The following DNAH6 variants were observed in gnomAD, a reference collection of about 807,000 sequenced individuals.
The protein encoded by DNAH6 is axonemal beta dynein heavy chain 6.
A neutral mutation model predicts 491.4 loss-of-function variants in DNAH6; 340 were observed. The ratio of observed to expected loss-of-function variants is 0.69; its 90% confidence interval spans 0.63 to 0.76. The LOEUF is 0.76. Ranked by LOEUF, DNAH6 falls within the 30% of genes least tolerant of loss-of-function variation. The pLI is 0.00. For synonymous variants in DNAH6, 1,603 were observed against 1,686.1 expected (o/e 0.95, Z 1.21); for missense variants, 4,443 against 4,972.2 (o/e 0.89, Z 3.20).
intron 30 of DNAH6, among the ~76,000 whole-genome samples, chr2:84,635,581 A>G (rs1220750484): frequency 2.0e-5 from 3 of 152,180 alleles, no homozygotes; most frequent in Non-Finnish European, 4.4e-5. Context: ...AAAGCAAAGT[A>G]TATGGAGTAA....
At chr2:84,668,810 C>CTGTGTGTGTGTGTG (rs766203821) in intron 37 of DNAH6, among the ~76,000 whole-genome samples, 59 of 121,080 alleles carry the variant, frequency 4.9e-4, no homozygotes, top group African/African-American at 1.3e-3. Context: ...AGCCATCCCT[C>CTGTGTGTGTGTGTG]TGTGTGTGTG....
chr2:84,692,472 GATAGATAGATAA>G (rs1322223302), intron 45 of DNAH6, among the ~76,000 whole-genome samples: 57 of 117,804 alleles, frequency 4.8e-4, no homozygotes, highest in African/African-American at 1.7e-3. Flanking sequence ...TAGATAGATA[GATAGATAGATAA>G]ATTTCCCAGA....
At chr2:84,697,771 T>C in intron 47 of DNAH6, 44 bp downstream of exon 47, 2 of 1,547,982 alleles carry the variant, frequency 1.3e-6, no homozygotes, top group Non-Finnish European at 1.7e-6. Flanking sequence ...CACAAAAACG[T>C]TTCTTCACCT....
At chr2:84,660,689 T>C (rs1691418532) in intron 37 of DNAH6, among the ~76,000 whole-genome samples, 1 of 152,160 alleles carries the variant, frequency 6.6e-6, no homozygotes, top group Non-Finnish European at 1.5e-5. Context: ...AAGGCAAACC[T>C]GTGCCTGCTT....
At chr2:84,476,577 C>A in the DNAH6 span, among the ~76,000 whole-genome samples, 1 of 152,164 alleles carries the variant, frequency 6.6e-6, no homozygotes, top group African/African-American at 2.4e-5. Flanking sequence ...ACTCATCCTC[C>A]TCTTCTTCAT....
chr2:84,752,482 T>C (rs560367686), intron 63 of DNAH6, among the ~76,000 whole-genome samples: 14 of 152,140 alleles, frequency 9.2e-5, no homozygotes, highest in Admixed American at 2.0e-4. Flanking sequence ...AATTTACTTA[T>C]TATACAATTC....
At chr2:84,709,312 T>C in intron 54 of DNAH6, 31 bp from the exon 55 acceptor site, 1 of 1,549,504 alleles carries the variant, frequency 6.5e-7, no homozygotes, top group Non-Finnish European at 8.7e-7. Context: ...TGTTCCTGAC[T>C]CTACTCAAGT....
Position 84,812,360 on chromosome 2 carries a change from A to G in DNAH6, c.11759A>G (p.Asn3920Ser), listed in dbSNP as rs556720391. Residue 3920 changes from asparagine (N) to serine (S), a missense_variant, in exon 73 of 77, where the codon AAC (asparagine) becomes AGC (serine). Coordinates refer to ENST00000389394, the MANE Select transcript of DNAH6 (RefSeq NM_001370.2). ...TTTCAGACTTCTCTGGAAACACTCA[A>G]CAAAGCCATCGCTGGATTTGTGGTG... The part of the protein sequence containing the change: ...KLIHTSLETL[N>S]KAIAGFVVMS... 3.2e-6 allele frequency: 5 copies of G among 1,551,986 alleles called. No homozygotes were observed. In the African/African-American group the frequency reaches 6.8e-5, roughly 21 times the overall value.
chr2:84,528,357 G>A (rs1427365909), intron 3 of DNAH6, among the ~76,000 whole-genome samples: 1 of 152,180 alleles, frequency 6.6e-6, no homozygotes, highest in Non-Finnish European at 1.5e-5. Context: ...CTAAAAAACA[G>A]CCGATATTAG....
chr2:84,589,538 C>T (rs553813456), intron 16 of DNAH6, among the ~76,000 whole-genome samples: 13 of 151,936 alleles, frequency 8.6e-5, no homozygotes, highest in Admixed American at 5.2e-4. Flanking sequence ...ATAGTGAAAC[C>T]ACATCTCCAC....
At chr2:84,510,960 C>A in the DNAH6 span, among the ~76,000 whole-genome samples, 1 of 152,140 alleles carries the variant, frequency 6.6e-6, no homozygotes, top group African/African-American at 2.4e-5. Flanking sequence ...AGTACCCGGC[C>A]GTGTGAGGTG....
Position 84,670,348 on chromosome 2 carries a change from G to T in DNAH6, c.6327G>T (p.Leu2109Phe). 6.5e-7 allele frequency: 1 copy of T among 1,533,178 alleles called. No individual in the cohort carries two copies. The highest frequency in any genetic ancestry group is 2.5e-5 in the East Asian group (1 of 40,708). 95.0% of individuals were successfully genotyped at this position (1,533,178 alleles called of 1,614,324 possible). A position where few individuals can be genotyped will look rare whatever the true frequency, so the allele number is the denominator to read the frequency against. The change falls in exon 39 of 77, where the codon TTG (leucine) becomes TTT (phenylalanine). Residue 2109 changes from leucine (L) to phenylalanine (F), a missense_variant. Coordinates refer to ENST00000389394, the MANE Select transcript of DNAH6 (RefSeq NM_001370.2). ...GVGKSVIAKG[L>F]LNKIQESAGY... Reference sequence around the variant, plus strand: ...TTAAGTCTGTGATTGCAAAAGGATTGCTAAATAAAATTCAAGAATCAGCTG... The same window carrying T: ...TTAAGTCTGTGATTGCAAAAGGATTTCTAAATAAAATTCAAGAATCAGCTG...
At chr2:84,505,805 G>A in the DNAH6 span, among the ~76,000 whole-genome samples, 5 of 152,004 alleles carry the variant, frequency 3.3e-5, no homozygotes, top group African/African-American at 9.7e-5. Flanking sequence ...TAGAACATGC[G>A]GTGTTTGTTT....
At chr2:84,582,512 C>T (rs183142717) in intron 14 of DNAH6, among the ~76,000 whole-genome samples, 1,768 of 152,268 alleles carry the variant, frequency 0.012, 20 homozygotes, top group Non-Finnish European at 0.016. Context: ...AGTGCAGTGG[C>T]GCCATCTCAG....
Position 84,588,926 on chromosome 2 carries a change from A to G in DNAH6, c.2582A>G (p.Gln861Arg). 6.5e-7 allele frequency: 1 copy of G among 1,549,058 alleles called. No individual in the cohort carries two copies. The highest frequency in any genetic ancestry group is 8.7e-7 in the Non-Finnish European group (1 of 1,146,136). ...GCTGATCTTCAGAAACGTGCATTTC[A>G]GTATAAGTCCTATCAGAAGAATTTT... is the stretch of plus-strand genomic sequence containing the variant. ...VLADLQKRAFQYKSYQKNFKV... is the reference protein window; with the variant it reads ...VLADLQKRAFRYKSYQKNFKV... The change falls in exon 16 of 77, where the codon CAG (glutamine) becomes CGG (arginine). Residue 861 changes from glutamine (Q) to arginine (R), a missense_variant. Coordinates refer to ENST00000389394, the MANE Select transcript of DNAH6 (RefSeq NM_001370.2).
chr2:84,496,741 C>T, the DNAH6 span, among the ~76,000 whole-genome samples: 2 of 152,092 alleles, frequency 1.3e-5, no homozygotes, highest in African/African-American at 4.8e-5. Flanking sequence ...TGCACATGTT[C>T]TAAGAAATTC....
At chr2:84,584,534 C>G in intron 15 of DNAH6, 1 of 296,582 alleles carries the variant, frequency 3.4e-6, no homozygotes, top group Middle Eastern at 1.1e-3. Flanking sequence ...TCATTCTAAC[C>G]AATCAACAAT....
intron 64 of DNAH6, among the ~76,000 whole-genome samples, chr2:84,766,466 G>A (rs938392881): frequency 5.9e-5 from 9 of 152,158 alleles, no homozygotes; most frequent in Non-Finnish European, 1.0e-4. Flanking sequence ...TCCGTAAGTG[G>A]AAGTAGATGA....
chr2:84,552,115 T>G (rs1007135299), intron 9 of DNAH6, among the ~76,000 whole-genome samples: 2 of 152,068 alleles, frequency 1.3e-5, no homozygotes, highest in African/African-American at 2.4e-5. Context: ...ATATTACCAT[T>G]CGTTTTAATC....
Sources: allele counts gnomAD v4.1 joint callset (sites outside exome capture counted in the v4.1 genomes callset), GRCh38; gene constraint gnomAD v4.1.1; transcripts MANE v1.5; gene names NCBI Gene and HGNC (gene_info 2026-07-23, HGNC 2026-07-21).